Variants in DMD observed in about 807,000 individuals in gnomAD.
DMD encodes the protein dystrophin.
DMD carries 63 observed loss-of-function variants against 330.1 expected under a neutral mutation model. The ratio of observed to expected loss-of-function variants is 0.19; its 90% confidence interval spans 0.16 to 0.24. The LOEUF is 0.24. Among genes scored for constraint, DMD ranks in the 10% least tolerant of loss-of-function variants. The pLI is 1.00. For missense variants in DMD, 3,344 were observed against 2,684.1 expected (o/e 1.25, Z -5.43); for synonymous variants, 1,223 against 959.8 (o/e 1.27, Z -5.07).
At chrX:32,667,421 T>C (rs2061372729) in intron 9 of DMD, among the ~76,000 whole-genome samples, 1 of 112,068 alleles carries the variant, frequency 8.9e-6, no homozygotes, top group South Asian at 3.7e-4. Context: ...GAATAAATTG[T>C]TGAGCTTAGT....
rs1168579900 is a variant in DMD at position 31,581,220 on chromosome X, A to G, written c.8217+46453T>C. 2.7e-5 allele frequency among the ~76,000 whole-genome samples: 3 copies of G among 111,822 alleles called. No individual in the cohort carries two copies. In the East Asian group the frequency reaches 8.3e-4, roughly 31 times the overall value. On this transcript the variant is annotated intron_variant, in intron 55 of 78. Transcript: ENST00000357033. The stretch of plus-strand genomic sequence containing the variant: ...GGCTTGGGGGGAAGGATTGCTTACC[A>G]TGTTGTTTTGTTTCTATTTTAATTT...
Position 31,188,794 on chromosome X carries a change from G to C in DMD, c.9808-5890C>G, listed in dbSNP as rs146867040. On this transcript the variant is annotated intron_variant, in intron 67 of 78. Coordinates refer to ENST00000357033, the MANE Select transcript of DMD (RefSeq NM_004006.3). Reference sequence around the variant, plus strand: ...ACTATCCATAACAGAAAAGCTAGGGGAAGGAATCAGTTGTCATTACTATTG... The same window carrying C: ...ACTATCCATAACAGAAAAGCTAGGGCAAGGAATCAGTTGTCATTACTATTG... 7.9e-3 allele frequency among the ~76,000 whole-genome samples: 880 copies of C among 111,934 alleles called. 14 individuals carry two copies. The highest frequency in any genetic ancestry group is 0.027 in the African/African-American group (840 of 30,755).
chrX:32,599,210 A>G (rs1463053685), intron 12 of DMD, among the ~76,000 whole-genome samples: 1 of 111,835 alleles, frequency 8.9e-6, no homozygotes, highest in East Asian at 2.8e-4. Context: ...TGTATTAGCT[A>G]ATCTCCTTAA....
chrX:32,244,940 T>G lies in DMD; in HGVS notation c.6291-27877A>C, dbSNP rs1278102766. On this transcript the variant is annotated intron_variant, in intron 43 of 78. Transcript: ENST00000357033. ...TGTTCACTCTGATGGTAGTTTCTTT[T>G]GCTGTGCAGAAGCTCTTTAGTTTAA... Among the ~76,000 whole-genome samples, 24 of 75,269 alleles carry G rather than the reference T, an allele frequency of 3.2e-4. 1 individual carries two copies. The highest frequency in any genetic ancestry group is 5.5e-4 in the Non-Finnish European group (23 of 41,756). The allele number at this position is 75,269 out of a possible 115,157, so 65.4% of individuals were successfully genotyped here.
At chrX:32,339,344 T>C (rs1033135675) in intron 41 of DMD, among the ~76,000 whole-genome samples, 2 of 112,239 alleles carry the variant, frequency 1.8e-5, no homozygotes, top group Non-Finnish European at 3.8e-5. Flanking sequence ...CTGAGGAACC[T>C]AGTTTCTAAA....
chrX:32,102,587 A>G (rs980275568), intron 44 of DMD, among the ~76,000 whole-genome samples: 1 of 111,543 alleles, frequency 9.0e-6, no homozygotes, highest in Non-Finnish European at 1.9e-5. Flanking sequence ...ACCATAGGCT[A>G]TTTATGAAAT....
intron 7 of DMD, among the ~76,000 whole-genome samples, chrX:32,782,955 C>A (rs1198382239): frequency 2.1e-5 from 2 of 96,275 alleles, no homozygotes; most frequent in African/African-American, 9.4e-5. Context: ...TATACACACA[C>A]ACATACACAC....
chrX:31,554,403 C>T (rs1364627854), intron 55 of DMD, among the ~76,000 whole-genome samples: 2 of 111,413 alleles, frequency 1.8e-5, no homozygotes, highest in Non-Finnish European at 3.8e-5. Context: ...TCACCTCTAA[C>T]CTAACCACTT....
rs1297230760 is a variant in DMD at position 32,454,706 on chromosome X, A to G, written c.3559T>C (p.Tyr1187His). Residue 1187 changes from tyrosine to histidine, a missense_variant, in exon 26 of 79, where the codon TAT becomes CAT. By Grantham distance (83) the Tyr-to-His change is moderately conservative (BLOSUM62 2). Coordinates refer to ENST00000357033, the MANE Select transcript of DMD (RefSeq NM_004006.3). Reference sequence around the variant, plus strand: ...TTCTGTAATTCATCTGGAGTTTTATATTCAAAATCTCTCTCAAGATACTCT... The same window carrying G: ...TTCTGTAATTCATCTGGAGTTTTATGTTCAAAATCTCTCTCAAGATACTCT... ...EEEYLERDFE[Y>H]KTPDELQKAV... 1 of 1,184,920 alleles carries G rather than the reference A, an allele frequency of 8.4e-7. No individual in the cohort carries two copies. Among genetic ancestry groups the G allele is most frequent in the South Asian group, 1.8e-5 (1 of 54,330 alleles).
intron 44 of DMD, among the ~76,000 whole-genome samples, chrX:32,016,188 T>C (rs1165119696): frequency 3.6e-5 from 4 of 112,103 alleles, no homozygotes; most frequent in African/African-American, 1.3e-4. Context: ...TTTAGCCTAA[T>C]GGAGAACAAT....
chrX:32,594,342 G>A (rs2055275880), intron 13 of DMD, among the ~76,000 whole-genome samples: 1 of 111,422 alleles, frequency 9.0e-6, no homozygotes, highest in African/African-American at 3.3e-5. Flanking sequence ...TGCAATGGAT[G>A]AAGGAATTGT....
At chrX:31,741,905 C>A (rs1306398878) in intron 51 of DMD, among the ~76,000 whole-genome samples, 5 of 111,773 alleles carry the variant, frequency 4.5e-5, no homozygotes, top group African/African-American at 1.6e-4. Flanking sequence ...TTTAGTATTG[C>A]CACCTTTATT....
chrX:31,510,547 A>G lies in DMD; in HGVS notation c.8218-3094T>C, dbSNP rs770246764. Among the ~76,000 whole-genome samples the G allele has an allele frequency of 1.6e-3, 147 of 91,361 alleles. 1 individual carries two copies. Among genetic ancestry groups the G allele is most frequent in the African/African-American group, 5.5e-3 (126 of 22,749 alleles). The allele number at this position is 91,361 out of a possible 115,157, so 79.3% of individuals were successfully genotyped here. A position where few individuals can be genotyped will look rare whatever the true frequency, so the allele number is the denominator to read the frequency against. On this transcript the variant is annotated intron_variant, in intron 55 of 78. Transcript: ENST00000357033. ...TTTTGAGACAGAGTCTCGCTCTGTC[A>G]CCCAGGCTGGAGCACAGTGGCGCGA...
chrX:32,213,800 C>A (rs1285234046), intron 44 of DMD, among the ~76,000 whole-genome samples: 1 of 110,904 alleles, frequency 9.0e-6, no homozygotes, highest in African/African-American at 3.3e-5. Context: ...ATGGTGAAAT[C>A]TCGTCTCTAC....
At chrX:32,065,027 A>AATG (rs1007878213) in intron 44 of DMD, among the ~76,000 whole-genome samples, 22 of 111,621 alleles carry the variant, frequency 2.0e-4, no homozygotes, top group Admixed American at 1.1e-3. Context: ...CGAAGCAACC[A>AATG]ATGATAAAAG....
rs72470511 is a variant in DMD at position 32,645,300 on chromosome X, G to A, written c.961-148C>T. 10,519 of 597,660 alleles carry A rather than the reference G, an allele frequency of 0.018. 137 individuals carry two copies. Among genetic ancestry groups the A allele is most frequent in the African/African-American group, 0.076 (3,278 of 43,359 alleles). The allele number at this position is 597,660 out of a possible 1,213,427, so 49.3% of individuals were successfully genotyped here. A position where few individuals can be genotyped will look rare whatever the true frequency, so the allele number is the denominator to read the frequency against. On this transcript the variant is annotated intron_variant, in intron 9 of 78. Transcript: ENST00000357033. ...ACAGGAACAGCAGATACAGACAATA[G>A]GGAGTTTTCATTTTAACTTCCTCAT...
At chrX:31,747,309 GA>G (rs1487696740) in intron 51 of DMD, among the ~76,000 whole-genome samples, 1 of 111,665 alleles carries the variant, frequency 9.0e-6, no homozygotes, top group Non-Finnish European at 1.9e-5. Context: ...TTTATGACAT[GA>G]AAGCTCTCTT....
At chrX:31,539,265 A>G (rs6527098) in intron 55 of DMD, among the ~76,000 whole-genome samples, 15,252 of 111,022 alleles carry the variant, frequency 0.14, 1,163 homozygotes, top group African/African-American at 0.27. Context: ...CAGTTAATCT[A>G]TTCATTTTCC....
chrX:31,267,049 C>T (rs2051226320), intron 62 of DMD: 4 of 402,103 alleles, frequency 9.9e-6, no homozygotes, highest in Non-Finnish European at 1.6e-5. Flanking sequence ...ACCTGGGAAC[C>T]CGGACACCCA....
Sources: gnomAD v4.1 joint callset for allele counts (sites outside exome capture counted in the v4.1 genomes callset) on GRCh38, gnomAD v4.1.1 for gene constraint, MANE v1.5 for transcripts, NCBI Gene and HGNC (gene_info 2026-07-23, HGNC 2026-07-21) for gene names.